TSPAN15: variants seen among roughly 807,000 people sequenced by gnomAD.
The protein encoded by TSPAN15 is tetraspanin-15.
A neutral mutation model predicts 34.5 loss-of-function variants in TSPAN15; 20 were observed. The ratio of observed to expected loss-of-function variants is 0.58; its 90% CI spans 0.41 to 0.84. The LOEUF (loss-of-function observed/expected upper bound fraction) is 0.84. Ranked by LOEUF, TSPAN15 falls within the 40% of genes least tolerant of loss-of-function variation. The pLI, the probability that TSPAN15 is intolerant of heterozygous loss-of-function variation, is 0.00. For missense variants in TSPAN15, 313 were observed against 386.1 expected, an observed-to-expected ratio of 0.81 and a Z score of 1.59; for synonymous variants, 155 against 153.9, an observed-to-expected ratio of 1.01 and a Z score of -0.05.
At position 69,486,337 on chromosome 10, in the gene TSPAN15, G is replaced by A. The variant is rs534941564; in HGVS notation, c.357+1122G>A. Reference sequence around the variant, plus strand: ...ATTCTCTGTGTCCACTGCCTGGCCTGTACCCCTCCCTACCCCAGACAGCTT... The same window carrying A: ...ATTCTCTGTGTCCACTGCCTGGCCTATACCCCTCCCTACCCCAGACAGCTT... On this transcript the variant is annotated intron_variant, in intron 3 of 7. Coordinates refer to ENST00000373290, the MANE Select transcript of TSPAN15 (RefSeq NM_012339.5). Among the ~76,000 whole-genome samples the A allele has an allele frequency of 2.0e-5, 3 of 152,334 alleles. No individual in the cohort carries two copies. The East Asian group carries it at 5.8e-4, about 29-fold the overall frequency.
At chr10:69,508,368 G>A (rs1842377950), downstream of TSPAN15, among the ~76,000 whole-genome samples, 1 of 147,154 alleles carries the variant, frequency 6.8e-6, no homozygotes, top group Admixed American at 6.8e-5. Context: ...TTGAACCCGG[G>A]AGGCGGAGGT....
the TSPAN15 span, among the ~76,000 whole-genome samples, chr10:69,544,245 G>T: frequency 3.3e-5 from 5 of 152,302 alleles, 1 homozygote; most frequent in East Asian, 7.7e-4. Flanking sequence ...TATTTAAAGT[G>T]TATTATTTAA....
At position 69,507,331 on chromosome 10, in the gene TSPAN15, T is replaced by G; in HGVS notation, c.*353T>G. 1 of 1,221,494 alleles carries G rather than the reference T, an allele frequency of 8.2e-7. No individual in the cohort carries two copies. The allele number at this position is 1,221,494 out of a possible 1,614,324, so 75.7% of individuals were successfully genotyped here. ...GCCTTGGCGGTGGTATTCAAGGCAGTTTTGTAGCACCTGTAATTGGGGAGA... is the reference window on the plus strand; with the variant it reads ...GCCTTGGCGGTGGTATTCAAGGCAGGTTTGTAGCACCTGTAATTGGGGAGA... On this transcript the variant is annotated 3_prime_UTR_variant, in exon 8 of 8. Transcript: ENST00000373290.
intron 3 of TSPAN15, among the ~76,000 whole-genome samples, chr10:69,486,495 G>A (rs895763391): frequency 6.7e-6 from 1 of 149,226 alleles, no homozygotes; most frequent in Admixed American, 6.6e-5. Flanking sequence ...GGCTGGAGCA[G>A]TGGTGCAGTC....
In TSPAN15 at chr10:69,506,885, G is replaced by A. The variant is rs774678872; in HGVS notation, c.792G>A (p.Met264Ile). ...LYITRVEDII[M>I]EHSVTDGLLG... ...TCACCCGGGTGGAGGACATCATCAT[G>A]GAGCACTCTGTCACTGATGGGCTCC... is the stretch of plus-strand genomic sequence containing the variant. The change falls in exon 8 of 8, where the codon ATG (methionine) becomes ATA (isoleucine). Residue 264 changes from methionine to isoleucine, a missense_variant. Coordinates refer to ENST00000373290, the MANE Select transcript of TSPAN15 (RefSeq NM_012339.5). This position sits in a 1 kb window ranked among gnomAD's most constrained non-coding sequence, Gnocchi z 4.7. 1.2e-6 allele frequency: 2 copies of A among 1,605,472 alleles called. No individual in the cohort carries two copies. The highest frequency in any genetic ancestry group is 1.7e-5 in the Admixed American group (1 of 58,610).
chr10:69,541,877 T>C, the TSPAN15 span, among the ~76,000 whole-genome samples: 2 of 152,228 alleles, frequency 1.3e-5, no homozygotes, highest in African/African-American at 4.8e-5. Context: ...CCTAAGCCCC[T>C]GGGCCTCTGA....
At chr10:69,460,432 G>A (rs1028597919) in intron 1 of TSPAN15, among the ~76,000 whole-genome samples, 1 of 152,294 alleles carries the variant, frequency 6.6e-6, no homozygotes, top group East Asian at 1.9e-4. Context: ...GACTTACGAT[G>A]TCACCTTCCC....
intron 1 of TSPAN15, among the ~76,000 whole-genome samples, chr10:69,460,094 A>G (rs1841217704): frequency 6.6e-6 from 1 of 151,956 alleles, no homozygotes; most frequent in African/African-American, 2.4e-5. Context: ...GTCTTGTCAG[A>G]GGAGGCTCCT....
At chr10:69,546,455 AC>A in the TSPAN15 span, among the ~76,000 whole-genome samples, 1 of 152,170 alleles carries the variant, frequency 6.6e-6, no homozygotes, top group Non-Finnish European at 1.5e-5. Context: ...GGCCTATGGG[AC>A]ACATTCATCT....
the TSPAN15 span, among the ~76,000 whole-genome samples, chr10:69,515,384 G>A: frequency 1.3e-5 from 2 of 152,038 alleles, no homozygotes; most frequent in Non-Finnish European, 2.9e-5. Flanking sequence ...TTCATTCGTA[G>A]CTCACACGGT....
At chr10:69,523,659 A>G in the TSPAN15 span, 1 of 217,772 alleles carries the variant, frequency 4.6e-6, no homozygotes, top group African/African-American at 2.3e-5. Flanking sequence ...ATGGCTGTGG[A>G]TTGTCAGGCG....
At chr10:69,548,811 C>G in the TSPAN15 span, among the ~76,000 whole-genome samples, 2 of 152,004 alleles carry the variant, frequency 1.3e-5, no homozygotes, top group Admixed American at 1.3e-4. Flanking sequence ...AGAGTTCACA[C>G]AGGTTGGGGA....
chr10:69,513,866 C>T, the TSPAN15 span, among the ~76,000 whole-genome samples: 1 of 152,226 alleles, frequency 6.6e-6, no homozygotes, highest in Admixed American at 6.5e-5. Context: ...GCCTTGGCAC[C>T]TTTGTTGAAA....
rs72811748 is a variant in TSPAN15, at chr10:69,503,696, G to A, written c.571-742G>A. ...CACTTACATGTAGAGCAGCGGGGCT[G>A]GGGGGGACGGTCATGGGCTGGACCA... On this transcript the variant is annotated intron_variant, in intron 5 of 7. Coordinates refer to ENST00000373290, the MANE Select transcript of TSPAN15 (RefSeq NM_012339.5). Among the ~76,000 whole-genome samples, 435 of 152,110 alleles carry A rather than the reference G, an allele frequency of 2.9e-3. 3 individuals carry two copies. The highest frequency in any genetic ancestry group is 0.01 in the African/African-American group (421 of 41,504).
chr10:69,453,392 C>T (rs1841016438), intron 1 of TSPAN15, among the ~76,000 whole-genome samples: 1 of 152,100 alleles, frequency 6.6e-6, no homozygotes, highest in African/African-American at 2.4e-5. Context: ...TCATAGGTCC[C>T]CTAAGTCCCC....
chr10:69,536,959 G>A, the TSPAN15 span, among the ~76,000 whole-genome samples: 1 of 151,130 alleles, frequency 6.6e-6, no homozygotes, highest in Admixed American at 6.6e-5. Flanking sequence ...ACTCCAGCCT[G>A]GGCAAGAAGA....
chr10:69,523,546 G>A, the TSPAN15 span: 1 of 415,438 alleles, frequency 2.4e-6, no homozygotes, highest in East Asian at 1.0e-4. Context: ...CTTCCCAGAG[G>A]CATCTGGGAA....
At chr10:69,502,302 C>CA (rs1230227310) in intron 5 of TSPAN15, among the ~76,000 whole-genome samples, 1 of 152,224 alleles carries the variant, frequency 6.6e-6, no homozygotes, top group Non-Finnish European at 1.5e-5. Context: ...GTGCAGAGGG[C>CA]AGCGTGCTTC....
At chr10:69,478,484 C>T (rs752363886) in intron 1 of TSPAN15, among the ~76,000 whole-genome samples, 3 of 152,078 alleles carry the variant, frequency 2.0e-5, no homozygotes, top group Non-Finnish European at 4.4e-5. Context: ...CGGGCTCTGG[C>T]AGGGGGCTCA....
Sources: gnomAD v4.1 joint callset for allele counts (sites outside exome capture counted in the v4.1 genomes callset) on GRCh38, gnomAD v4.1.1 for gene constraint, Gnocchi (gnomAD v3.1) non-coding constraint, MANE v1.5 for transcripts, NCBI Gene and HGNC (gene_info 2026-07-23, HGNC 2026-07-21) for gene names.